Variants in LARGE1 observed in about 807,000 individuals in gnomAD.
The protein encoded by LARGE1 is LARGE xylosyl- and glucuronyltransferase 1, also known as xylosyl- and glucuronyltransferase LARGE1.
In LARGE1, 43 loss-of-function variants were observed where a neutral mutation model predicts 87.6. The ratio of observed to expected loss-of-function variants is 0.49; its 90% CI spans 0.38 to 0.63. LARGE1 has a LOEUF of 0.63. Among genes scored for constraint, LARGE1 ranks in the 30% least tolerant of loss-of-function variants. LARGE1 has a pLI of 0.00. For missense variants in LARGE1, 802 were observed against 1,000.2 expected (o/e 0.80, Z 2.67); for synonymous variants, 434 against 394.6 (o/e 1.10, Z -1.18).
chr22:33,575,314 G>A (rs757429008), intron 5 of LARGE1, among the ~76,000 whole-genome samples: 6 of 152,154 alleles, frequency 3.9e-5, no homozygotes, highest in Non-Finnish European at 7.3e-5. Flanking sequence ...GGATTTATGG[G>A]GAGAGAAGAC....
At chr22:33,550,778 G>C (rs2077502350) in intron 6 of LARGE1, among the ~76,000 whole-genome samples, 1 of 152,168 alleles carries the variant, frequency 6.6e-6, no homozygotes, top group Non-Finnish European at 1.5e-5. Flanking sequence ...CAATAGCAAA[G>C]ACATGAAATC....
exon 12 of LARGE1, chr22:33,162,397 G>A (rs1922060737): frequency 6.6e-6 from 1 of 152,102 alleles, no homozygotes; most frequent in Non-Finnish European, 1.5e-5. Context: ...TGAGAACTCA[G>A]TCACTATCAC....
At chr22:33,753,094 C>T (rs2084381595) in intron 2 of LARGE1, among the ~76,000 whole-genome samples, 1 of 152,092 alleles carries the variant, frequency 6.6e-6, no homozygotes, top group South Asian at 2.1e-4. Flanking sequence ...GTGGCACGTG[C>T]CTGTAATCCC....
At chr22:33,856,142 A>G (rs2063748410) in intron 1 of LARGE1, among the ~76,000 whole-genome samples, 1 of 152,186 alleles carries the variant, frequency 6.6e-6, no homozygotes, top group African/African-American at 2.4e-5. Flanking sequence ...GCTGTCCAAG[A>G]ACCAAACTTC....
At chr22:33,692,201 T>C (rs907247625) in intron 2 of LARGE1, among the ~76,000 whole-genome samples, 2 of 152,224 alleles carry the variant, frequency 1.3e-5, no homozygotes, top group Non-Finnish European at 1.5e-5. Flanking sequence ...CTTGTTAGGA[T>C]GCAAAATGCT....
intron 2 of LARGE1, among the ~76,000 whole-genome samples, chr22:33,686,109 C>T (rs12168616): frequency 0.018 from 2,764 of 152,200 alleles, 98 homozygotes; most frequent in African/African-American, 0.062. Flanking sequence ...TTAAATCAGC[C>T]GACTCTCTTT....
chr22:33,841,271 G>C (rs756137678), intron 1 of LARGE1, among the ~76,000 whole-genome samples: 5 of 152,122 alleles, frequency 3.3e-5, no homozygotes, highest in Non-Finnish European at 7.4e-5. Flanking sequence ...ATGTTTCAGA[G>C]TTTTTGAGGG....
chr22:33,426,665 C>T (rs750416387), intron 7 of LARGE1, among the ~76,000 whole-genome samples: 4 of 152,198 alleles, frequency 2.6e-5, no homozygotes, highest in South Asian at 4.1e-4. Flanking sequence ...TTGCCTTCCA[C>T]GGTTTGCTCT....
intron 11 of LARGE1, among the ~76,000 whole-genome samples, chr22:33,240,415 A>G (rs1926458062): frequency 6.6e-6 from 1 of 152,168 alleles, no homozygotes; most frequent in Non-Finnish European, 1.5e-5. Flanking sequence ...CCAAAACAAT[A>G]TTTGGTTGTT....
At chr22:33,323,579 G>T (rs1251538159) in intron 10 of LARGE1, among the ~76,000 whole-genome samples, 1 of 152,022 alleles carries the variant, frequency 6.6e-6, no homozygotes, top group Admixed American at 6.5e-5. Context: ...AATGTTCCAT[G>T]AACGAAGCAG....
chr22:33,184,088 C>CTATATATATATATATATATATA lies in LARGE1; in HGVS notation c.1731-17257_1731-17256insTATATATATATATATATATATA, dbSNP rs144013990. 3.7e-3 allele frequency among the ~76,000 whole-genome samples: 389 copies of CTATATATATATATATATATATA among 105,266 alleles called. 9 individuals are homozygous for CTATATATATATATATATATATA. Among genetic ancestry groups the CTATATATATATATATATATATA allele is most frequent in the African/African-American group, 9.1e-3 (261 of 28,780 alleles). The allele number at this position is 105,266 out of a possible 152,430, so 69.1% of individuals were successfully genotyped here. ...TAATTTGACTGTGGTAATCAGTACACTATATATATATATATCATATCTTTA... is the reference window on the plus strand; with the variant it reads ...TAATTTGACTGTGGTAATCAGTACACTATATATATATATATATATATATATATATATATATATCATATCTTTA... On this transcript the variant is annotated intron_variant, in intron 11 of 11. Transcript: ENST00000608642.
intron 6 of LARGE1, among the ~76,000 whole-genome samples, chr22:33,503,251 T>TC (rs1308084572): frequency 2.0e-5 from 3 of 149,602 alleles, no homozygotes; most frequent in Non-Finnish European, 4.4e-5. Flanking sequence ...CCTTTTTTTT[T>TC]TTTTTTTGTT....
At chr22:33,497,071 CTTTT>C (rs5845088) in intron 6 of LARGE1, among the ~76,000 whole-genome samples, 8 of 133,956 alleles carry the variant, frequency 6.0e-5, no homozygotes, top group Admixed American at 1.5e-4. Context: ...CTTTTCTTTT[CTTTT>C]TTTTTTTTTT....
downstream of LARGE1, among the ~76,000 whole-genome samples, chr22:33,272,064 G>C (rs1002563992): frequency 1.3e-5 from 2 of 152,178 alleles, no homozygotes; most frequent in African/African-American, 4.8e-5. Flanking sequence ...CCATAAAAAT[G>C]CAAGTGAAAG....
intron 8 of LARGE1, among the ~76,000 whole-genome samples, chr22:33,382,584 C>T (rs1005984756): frequency 1.5e-4 from 23 of 152,162 alleles, no homozygotes; most frequent in Admixed American, 2.6e-4. Context: ...ACGCACTCCC[C>T]GTTTCAAAAT....
At chr22:33,796,994 C>T (rs1465265386) in intron 1 of LARGE1, among the ~76,000 whole-genome samples, 1 of 152,038 alleles carries the variant, frequency 6.6e-6, no homozygotes, top group Non-Finnish European at 1.5e-5. Context: ...GAACTCCTGA[C>T]CTCAAGTGAT....
At chr22:33,499,516 TCCA>T (rs1198336260) in intron 6 of LARGE1, among the ~76,000 whole-genome samples, 1 of 152,166 alleles carries the variant, frequency 6.6e-6, no homozygotes, top group Non-Finnish European at 1.5e-5. Context: ...ATGGAAATCA[TCCA>T]CTACCAAAAG....
chr22:33,521,723 CA>C (rs1447365919), intron 6 of LARGE1, among the ~76,000 whole-genome samples: 2 of 152,190 alleles, frequency 1.3e-5, no homozygotes, highest in Non-Finnish European at 2.9e-5. Flanking sequence ...TTTCTACTCA[CA>C]TTCTAATGCA....
At chr22:33,471,520 A>G (rs1569193473) in intron 6 of LARGE1, among the ~76,000 whole-genome samples, 1 of 152,090 alleles carries the variant, frequency 6.6e-6, no homozygotes, top group Non-Finnish European at 1.5e-5. Flanking sequence ...CTTCTCTCTC[A>G]TCATGAATTT....
Sources: allele counts gnomAD v4.1 joint callset (sites outside exome capture counted in the v4.1 genomes callset), GRCh38; gene constraint gnomAD v4.1.1; transcripts MANE v1.5; gene names NCBI Gene and HGNC (gene_info 2026-07-23, HGNC 2026-07-21).